The following OXSR1 variants were observed in gnomAD, a reference collection of about 807,000 sequenced individuals.
OXSR1 encodes oxidative stress responsive kinase 1.
OXSR1 carries 24 observed loss-of-function variants against 79.8 expected under a neutral mutation model. The observed-to-expected ratio is 0.30, with a 90% CI of 0.22 to 0.42. The LOEUF is 0.42. Ranked by LOEUF, OXSR1 falls within the 10% of genes least tolerant of loss-of-function variation. The pLI, the probability that OXSR1 is intolerant of heterozygous loss-of-function variation, is 1.00. For synonymous variants in OXSR1, 226 were observed against 209.2 expected (o/e 1.08, Z -0.69); for missense variants, 430 against 618.4 (o/e 0.70, Z 3.23).
chr3:38,240,183 T>TG (rs1703001588), intron 11 of OXSR1, among the ~76,000 whole-genome samples: 1 of 152,100 alleles, frequency 6.6e-6, no homozygotes. Context: ...CAGGTGGAGT[T>TG]GATGGGGGAA....
chr3:38,166,022 A>G, intron 1 of OXSR1, 76 bp downstream of exon 1: 1 of 1,319,308 alleles, frequency 7.6e-7, no homozygotes, highest in South Asian at 1.2e-5. Context: ...GAGCCGCGGG[A>G]GCTCGGGGAG....
chr3:38,237,799 T>C (rs1702949748), intron 11 of OXSR1, among the ~76,000 whole-genome samples: 1 of 152,180 alleles, frequency 6.6e-6, no homozygotes, highest in South Asian at 2.1e-4. Flanking sequence ...AATGCAAATA[T>C]TCGTTTACAT....
intron 14 of OXSR1, 122 bp from the exon 15 acceptor site, chr3:38,249,844 T>A (rs1159417163): frequency 1.5e-6 from 1 of 677,954 alleles, no homozygotes; most frequent in Non-Finnish European, 2.7e-6. Context: ...TCTGAATACA[T>A]CATATGATCT....
intron 2 of OXSR1, among the ~76,000 whole-genome samples, chr3:38,187,319 T>G (rs1229475770): frequency 1.3e-5 from 2 of 152,202 alleles, no homozygotes; most frequent in Non-Finnish European, 2.9e-5. Context: ...ACACATAGTT[T>G]GAGGTACACT....
chr3:38,238,000 TCTGA>T (rs747171401), intron 11 of OXSR1, among the ~76,000 whole-genome samples: 1 of 152,166 alleles, frequency 6.6e-6, no homozygotes, highest in Non-Finnish European at 1.5e-5. Context: ...CTATTTTTCT[TCTGA>T]CTAACAAATA....
chr3:38,202,580 A>G (rs1025123520), intron 4 of OXSR1, among the ~76,000 whole-genome samples: 1 of 152,212 alleles, frequency 6.6e-6, no homozygotes, highest in African/African-American at 2.4e-5. Context: ...GAGGCAAGAG[A>G]CTGAAGGCAC....
intron 1 of OXSR1, among the ~76,000 whole-genome samples, chr3:38,168,301 G>C (rs1701506958): frequency 6.6e-6 from 1 of 152,196 alleles, no homozygotes; most frequent in African/African-American, 2.4e-5. Context: ...TCCAGTTTTA[G>C]AATATTTCCA....
Position 38,169,120 on chromosome 3 carries a change from G to A in OXSR1, c.70+3174G>A, listed in dbSNP as rs1442525718. Among the ~76,000 whole-genome samples, 7 of 152,094 alleles carry A rather than the reference G, an allele frequency of 4.6e-5. No homozygotes were observed. In the East Asian group the frequency reaches 7.7e-4, roughly 17 times the overall value. On this transcript the variant is annotated intron_variant, in intron 1 of 17. Coordinates refer to ENST00000311806, the MANE Select transcript of OXSR1 (RefSeq NM_005109.3). Reference sequence around the variant, plus strand: ...TTCTCTAAATTTGTTGTCTTTTTGCGTGTAACCATCCTAGTGACTATGAAG... The same window carrying A: ...TTCTCTAAATTTGTTGTCTTTTTGCATGTAACCATCCTAGTGACTATGAAG...
intron 14 of OXSR1, among the ~76,000 whole-genome samples, chr3:38,249,104 C>G (rs371401847): frequency 9.2e-5 from 14 of 152,194 alleles, no homozygotes; most frequent in East Asian, 3.9e-4. Context: ...ATGGGTAGTT[C>G]TATTTTAAGC....
At chr3:38,220,461 CACAAA>C (rs553017035) in intron 5 of OXSR1, among the ~76,000 whole-genome samples, 115 of 151,922 alleles carry the variant, frequency 7.6e-4, no homozygotes, top group African/African-American at 2.1e-3. Flanking sequence ...CTGGAATGGA[CACAAA>C]ACAAAAGGGG....
chr3:38,217,870 A>G (rs1702515381), intron 5 of OXSR1, among the ~76,000 whole-genome samples: 1 of 152,040 alleles, frequency 6.6e-6, no homozygotes. Context: ...CTCATACAAT[A>G]TTTGTCCTTT....
At chr3:38,200,429 C>T (rs1218678712) in intron 4 of OXSR1, among the ~76,000 whole-genome samples, 1 of 152,172 alleles carries the variant, frequency 6.6e-6, no homozygotes, top group African/African-American at 2.4e-5. Flanking sequence ...TGTTGTCCTT[C>T]AAGTTCTGAG....
In OXSR1 at chr3:38,224,552, A is replaced by AT; in HGVS notation, c.703-18dup. ...TACTGAGTCATCACAAGTTTATAGT[A>AT]TATTGAAAATTCTTGCAGGTTTTAA... On this transcript the variant is annotated intron_variant, in intron 7 of 17. Transcript: ENST00000311806. 6.4e-7 allele frequency: 1 copy of AT among 1,571,638 alleles called. No homozygotes were observed. Among genetic ancestry groups the AT allele is most frequent in the Non-Finnish European group, 8.6e-7 (1 of 1,164,664 alleles).
At chr3:38,174,331 C>T (rs1184659721) in intron 1 of OXSR1, among the ~76,000 whole-genome samples, 2 of 152,088 alleles carry the variant, frequency 1.3e-5, no homozygotes, top group African/African-American at 4.8e-5. Flanking sequence ...CCTGTAATCC[C>T]AGCACTTTGG....
intron 3 of OXSR1, among the ~76,000 whole-genome samples, chr3:38,196,371 G>T (rs1235416941): frequency 3.3e-5 from 5 of 152,128 alleles, no homozygotes; most frequent in African/African-American, 1.2e-4. Flanking sequence ...GCTACAAGAG[G>T]CTTAGAAAAC....
In OXSR1 at chr3:38,254,571, C is replaced by T. The variant is rs927714730; in HGVS notation, c.*1680C>T. The T allele has an allele frequency of 7.0e-6, 2 of 286,796 alleles. No individual in the cohort carries two copies. The highest frequency in any genetic ancestry group is 4.3e-5 in the African/African-American group (2 of 46,254). The allele number at this position is 286,796 out of a possible 1,614,324, so 17.8% of individuals were successfully genotyped here. A position where few individuals can be genotyped will look rare whatever the true frequency, so the allele number is the denominator to read the frequency against. On this transcript the variant is annotated 3_prime_UTR_variant, in exon 18 of 18. Coordinates refer to ENST00000311806, the MANE Select transcript of OXSR1 (RefSeq NM_005109.3). ...GGAGAAAAGAAGATTGACCAGCTTG[C>T]TAGAAAAATACTTAGCTTTTCTTTT...
chr3:38,177,075 G>A (rs909202080), intron 1 of OXSR1, among the ~76,000 whole-genome samples: 3 of 152,218 alleles, frequency 2.0e-5, no homozygotes, highest in African/African-American at 4.8e-5. Context: ...ATATTGCAAA[G>A]AATCAGTGAA....
chr3:38,216,000 G>A, intron 4 of OXSR1, 96 bp from the exon 5 acceptor site: 3 of 723,602 alleles, frequency 4.1e-6, no homozygotes, highest in Admixed American at 2.7e-5. Flanking sequence ...TTTAAATATT[G>A]CTAGTATTAC....
At chr3:38,167,462 T>G (rs1575299232) in intron 1 of OXSR1, among the ~76,000 whole-genome samples, 1 of 152,342 alleles carries the variant, frequency 6.6e-6, no homozygotes, top group East Asian at 1.9e-4. Flanking sequence ...TGCCCTAAAA[T>G]TAGTTTTATA....
Sources: gnomAD v4.1 joint callset for allele counts (sites outside exome capture counted in the v4.1 genomes callset) on GRCh38, gnomAD v4.1.1 for gene constraint, MANE v1.5 for transcripts, NCBI Gene and HGNC (gene_info 2026-07-23, HGNC 2026-07-21) for gene names.